The following HELQ variants were observed in gnomAD, a reference collection of about 807,000 sequenced individuals.
HELQ encodes helicase, POLQ like.
In HELQ, 77 loss-of-function variants were observed where a neutral mutation model predicts 111.6. The observed-to-expected ratio is 0.69, with a 90% CI of 0.57 to 0.83. HELQ has a LOEUF of 0.83. Among genes scored for constraint, HELQ ranks in the 40% least tolerant of loss-of-function variants. HELQ has a pLI of 0.00. For synonymous variants in HELQ, 438 were observed against 454.7 expected, an observed-to-expected ratio of 0.96 and a Z score of 0.47; for missense variants, 1,200 against 1,288.5, an observed-to-expected ratio of 0.93 and a Z score of 1.05.
At chr4:83,428,536 C>T (rs1395976253) in intron 12 of HELQ, among the ~76,000 whole-genome samples, 3 of 152,048 alleles carry the variant, frequency 2.0e-5, no homozygotes, top group African/African-American at 7.2e-5. Context: ...ATTTTGGCCT[C>T]GGCAGCAGAG....
chr4:83,429,007 T>C (rs566703431), intron 12 of HELQ, among the ~76,000 whole-genome samples: 1 of 152,214 alleles, frequency 6.6e-6, no homozygotes, highest in East Asian at 1.9e-4. Flanking sequence ...GATGCCTACC[T>C]TATTCTCTAT....
At chr4:83,437,156 C>T in intron 8 of HELQ, 59 bp from the exon 9 acceptor site, 1 of 1,521,448 alleles carries the variant, frequency 6.6e-7, no homozygotes, top group East Asian at 2.3e-5. Flanking sequence ...AAAATTTCTA[C>T]CATTTTCATT....
In HELQ at chr4:83,448,831, C is replaced by T. The variant is rs544132601; in HGVS notation, c.1143G>A (p.Arg381=). Residue 381 remains arginine (R), a synonymous_variant, in exon 3 of 18, where the codon CGG becomes CGA. Transcript: ENST00000295488. ...ATGGAAGAATCATTAAAACATCTTT[C>T]CGACAGCAAAGCAGTTCTTGCAGCA... The part of the protein sequence containing the change: ...ILMLQELLCC[R]KDVLMILPYV... 1.8e-4 allele frequency: 291 copies of T among 1,613,980 alleles called. 3 individuals carry two copies. In the South Asian group the frequency reaches 3.1e-3, roughly 17 times the overall value.
intron 14 of HELQ, among the ~76,000 whole-genome samples, chr4:83,421,968 C>G (rs1440334294): frequency 6.6e-6 from 1 of 152,096 alleles, no homozygotes; most frequent in Non-Finnish European, 1.5e-5. Flanking sequence ...TGCCTGTAAT[C>G]CCAGCACTTT....
At chr4:83,411,789 C>T (rs1422410166) in intron 17 of HELQ, among the ~76,000 whole-genome samples, 1 of 151,620 alleles carries the variant, frequency 6.6e-6, no homozygotes, top group Non-Finnish European at 1.5e-5. Context: ...GCACACATCA[C>T]CATGCCTGGC....
chr4:83,455,334 C>A, intron 1 of HELQ, 63 bp downstream of exon 1: 1 of 1,575,094 alleles, frequency 6.3e-7, no homozygotes, highest in South Asian at 1.2e-5. Flanking sequence ...TAAAACTGGT[C>A]AACTCTTTGC....
In HELQ at chr4:83,453,342, C is replaced by A. The variant is rs781770844; in HGVS notation, c.901G>T (p.Val301Phe). The change falls in exon 2 of 18, where the codon GTT becomes TTT. Residue 301 changes from valine (V) to phenylalanine (F), a missense_variant. By Grantham distance (50) the Val-to-Phe change is conservative. This residue lies in a region of HELQ where 610 missense variants were observed against 607.1 expected (regional missense o/e 1.00). Coordinates refer to ENST00000295488, the MANE Select transcript of HELQ (RefSeq NM_133636.5). ...GATGACTCAACTGTTTTCTTAGCAACATTAATTTCCTCAGATAGGAGAGTG... is the reference window on the plus strand; with the variant it reads ...GATGACTCAACTGTTTTCTTAGCAAAATTAATTTCCTCAGATAGGAGAGTG... ...KDTLLSEEIN[V>F]AKKTVESSSN... is the part of the protein sequence containing the mutation. 159 of 1,613,358 alleles carry A rather than the reference C, an allele frequency of 9.9e-5. No homozygotes were observed. Among genetic ancestry groups the A allele is most frequent in the Non-Finnish European group, 1.3e-4 (156 of 1,179,786 alleles).
Position 83,426,562 on chromosome 4 carries a change from T to G in HELQ, c.2677-470A>C, listed in dbSNP as rs1307016735. ...ACCTCTGTCTAATATACGTTTTTGT[T>G]TCTGTTTTTGTTTTTTTTTTTGAGA... On this transcript the variant is annotated intron_variant, in intron 13 of 17. Transcript: ENST00000295488. Among the ~76,000 whole-genome samples, 3 of 141,002 alleles carry G rather than the reference T, an allele frequency of 2.1e-5. No individual in the cohort carries two copies. In the East Asian group the frequency reaches 7.3e-4, roughly 35 times the overall value. The allele number at this position is 141,002 out of a possible 152,430, so 92.5% of individuals were successfully genotyped here.
At chr4:83,452,209 A>C (rs1721418521) in intron 2 of HELQ, among the ~76,000 whole-genome samples, 1 of 152,166 alleles carries the variant, frequency 6.6e-6, no homozygotes, top group South Asian at 2.1e-4. Context: ...GTGGCCCAAC[A>C]CAAATTTGTA....
At chr4:83,424,053 A>G (rs1719706316) in intron 14 of HELQ, among the ~76,000 whole-genome samples, 1 of 152,212 alleles carries the variant, frequency 6.6e-6, no homozygotes, top group Non-Finnish European at 1.5e-5. Context: ...AAAAAATTAT[A>G]CCTCCAAAAC....
In HELQ at chr4:83,453,270, C is replaced by T; in HGVS notation, c.973G>A (p.Asp325Asn). 2 of 1,613,054 alleles carry T rather than the reference C, an allele frequency of 1.2e-6. No homozygotes were observed. The highest frequency in any genetic ancestry group is 1.7e-6 in the Non-Finnish European group (2 of 1,179,586). ...ATTCCCTTGAATTGGGCATAAAGGT[C>T]TCTCACTTTGCTGGGTAATGAATAA... Reference protein sequence around the residue: ...PFYSLPSKVRDLYAQFKGIEK... With the variant: ...PFYSLPSKVRNLYAQFKGIEK... Residue 325 changes from aspartate to asparagine, a missense_variant, in exon 2 of 18, where the codon GAC becomes AAC. Physicochemically the swap from Asp to Asn is conservative, Grantham distance 23 (BLOSUM62 1). Coordinates refer to ENST00000295488, the MANE Select transcript of HELQ (RefSeq NM_133636.5).
chr4:83,431,861 G>C, intron 10 of HELQ, 93 bp from the exon 11 acceptor site: 1 of 547,632 alleles, frequency 1.8e-6, no homozygotes. Flanking sequence ...AAATCTTGTG[G>C]AGCCAGAAGG....
rs1184280993 is a variant in HELQ, at chr4:83,447,046, A to T, written c.1192-11T>A. On this transcript the variant is annotated splice_polypyrimidine_tract_variant and intron_variant, in intron 3 of 17. Transcript: ENST00000295488. ...TGACAAACCTGAAATCTAGAATATT[A>T]GTTAAAATAAAGAAAAATTGGCCAG... The T allele has an allele frequency of 1.3e-6, 2 of 1,590,516 alleles. No individual in the cohort carries two copies. The highest frequency in any genetic ancestry group is 1.7e-6 in the Non-Finnish European group (2 of 1,161,480).
At chr4:83,414,871 G>A (rs948656014) in intron 17 of HELQ, among the ~76,000 whole-genome samples, 1 of 151,906 alleles carries the variant, frequency 6.6e-6, no homozygotes, top group African/African-American at 2.4e-5. Context: ...TATAGCAAAG[G>A]AAATGACTAT....
At position 83,429,674 on chromosome 4, in the gene HELQ, A is replaced by G. The variant is rs1213703305; in HGVS notation, c.2368T>C (p.Leu790=). 5 of 1,613,358 alleles carry G rather than the reference A, an allele frequency of 3.1e-6. No homozygotes were observed. Among genetic ancestry groups the G allele is most frequent in the African/African-American group, 1.3e-5 (1 of 74,882 alleles). Residue 790 remains leucine, a synonymous_variant, in exon 12 of 18, where the codon TTG becomes CTG. Transcript: ENST00000295488. ...TFFGVQQKVL[L]KEKSLWEITV... ...ATTTCCCAGAGACTTTTTTCTTTCA[A>G]TAAAACCTTTTGCTGAACACCAAAA...
intron 2 of HELQ, among the ~76,000 whole-genome samples, chr4:83,452,825 A>G (rs1386675162): frequency 1.3e-5 from 2 of 152,254 alleles, no homozygotes; most frequent in Admixed American, 6.5e-5. Context: ...ATGAGAGCAC[A>G]GAACCCAGAA....
intron 8 of HELQ, among the ~76,000 whole-genome samples, chr4:83,438,430 G>A (rs140898364): frequency 1.3e-5 from 2 of 152,236 alleles, no homozygotes; most frequent in African/African-American, 4.8e-5. Context: ...ATACAACTAA[G>A]TGTGAAGTTT....
intron 6 of HELQ, among the ~76,000 whole-genome samples, chr4:83,441,955 G>T (rs1486137617): frequency 6.6e-6 from 1 of 151,696 alleles, no homozygotes; most frequent in Non-Finnish European, 1.5e-5. Context: ...TATAGAGATG[G>T]GGTTCCTCTA....
chr4:83,444,506 C>T (rs189720878), intron 5 of HELQ, among the ~76,000 whole-genome samples: 10 of 152,108 alleles, frequency 6.6e-5, no homozygotes, highest in East Asian at 1.9e-4. Context: ...CCCAACCTCC[C>T]GAGTAGTTGG....
Sources: allele counts gnomAD v4.1 joint callset (sites outside exome capture counted in the v4.1 genomes callset), GRCh38; gene constraint gnomAD v4.1.1; regional missense constraint gnomAD v4.1.1; transcripts MANE v1.5; gene names NCBI Gene and HGNC (gene_info 2026-07-23, HGNC 2026-07-21).